The following LTBP1 variants were observed in gnomAD, a reference collection of about 807,000 sequenced individuals.
LTBP1 encodes the protein latent transforming growth factor beta binding protein 1.
Under a neutral mutation model 207.6 loss-of-function variants are expected in LTBP1, and 129 were observed. The ratio of observed to expected loss-of-function variants is 0.62; its 90% CI spans 0.54 to 0.72. The LOEUF (loss-of-function observed/expected upper bound fraction) is 0.72, where lower values mean the gene tolerates loss of function less well. LTBP1 is among the 30% of genes least tolerant of loss of function. The pLI is 0.00. For missense variants in LTBP1, 2,281 were observed against 2,217.2 expected (o/e 1.03, Z -0.58); for synonymous variants, 963 against 833.7 (o/e 1.16, Z -2.67).
At chr2:33,098,758 A>G (rs759520170) in intron 3 of LTBP1, among the ~76,000 whole-genome samples, 30 of 152,152 alleles carry the variant, frequency 2.0e-4, no homozygotes, top group Admixed American at 1.7e-3. Context: ...TTTTTACTTT[A>G]TAAAGTCAAT....
chr2:33,076,906 G>A (rs1294210143), intron 3 of LTBP1, among the ~76,000 whole-genome samples: 1 of 152,088 alleles, frequency 6.6e-6, no homozygotes, highest in African/African-American at 2.4e-5. Flanking sequence ...TGGCCAAGAG[G>A]GCATCTGTTC....
At chr2:33,294,625 C>T (rs2093839289) in intron 20 of LTBP1, among the ~76,000 whole-genome samples, 1 of 141,926 alleles carries the variant, frequency 7.0e-6, no homozygotes, top group African/African-American at 2.7e-5. Context: ...GTCGCCCAGG[C>T]TAGAGTGCAG....
chr2:33,126,781 T>C (rs1429366868), intron 4 of LTBP1, among the ~76,000 whole-genome samples: 2 of 152,160 alleles, frequency 1.3e-5, no homozygotes, highest in African/African-American at 4.8e-5. Context: ...GTTGGGGCCA[T>C]TGGATGCAGT....
intron 3 of LTBP1, among the ~76,000 whole-genome samples, chr2:33,092,483 A>G (rs748012980): frequency 6.6e-6 from 1 of 152,202 alleles, no homozygotes; most frequent in Non-Finnish European, 1.5e-5. Flanking sequence ...CTCCCATCAA[A>G]TAGGTGTTGA....
chr2:33,258,116 T>C (rs1284120160), intron 12 of LTBP1, among the ~76,000 whole-genome samples: 1 of 152,178 alleles, frequency 6.6e-6, no homozygotes, highest in African/African-American at 2.4e-5. Flanking sequence ...AAGGAAATAG[T>C]TTAAGGCTTA....
chr2:33,268,429 A>G (rs2148220092), intron 15 of LTBP1, among the ~76,000 whole-genome samples: 1 of 152,340 alleles, frequency 6.6e-6, no homozygotes, highest in African/African-American at 2.4e-5. Flanking sequence ...TAGTGATTAT[A>G]TCTTTACGAT....
chr2:33,082,432 CTTTTTTTTTTTTTTTTTTT>C (rs56058653), intron 3 of LTBP1, among the ~76,000 whole-genome samples: 4 of 29,322 alleles, frequency 1.4e-4, no homozygotes, highest in African/African-American at 4.4e-4. Flanking sequence ...GTATGACTCA[CTTTTTTTTTTTTTTTTTTT>C]TTTTTTTTTT....
intron 2 of LTBP1, among the ~76,000 whole-genome samples, chr2:32,980,062 G>C (rs1682520803): frequency 6.6e-6 from 1 of 151,876 alleles, no homozygotes; most frequent in Non-Finnish European, 1.5e-5. Flanking sequence ...CTGTGTCTTT[G>C]TAGATGAAGT....
intron 26 of LTBP1, among the ~76,000 whole-genome samples, chr2:33,354,717 CACACACACACA>C (rs2094833978): frequency 3.0e-5 from 4 of 133,220 alleles, no homozygotes; most frequent in African/African-American, 1.0e-4. Context: ...CACACACACA[CACACACACACA>C]CCATTGTATC....
chr2:33,246,760 T>C (rs2092528063), intron 10 of LTBP1, among the ~76,000 whole-genome samples: 1 of 152,328 alleles, frequency 6.6e-6, no homozygotes. Flanking sequence ...ATTCCTTGAC[T>C]GCAGCCAAAG....
At chr2:33,237,059 T>G (rs1573354708) in intron 9 of LTBP1, among the ~76,000 whole-genome samples, 1 of 152,096 alleles carries the variant, frequency 6.6e-6, no homozygotes, top group South Asian at 2.1e-4. Context: ...TTAATGGCAG[T>G]GGGGCCTAGA....
intron 13 of LTBP1, among the ~76,000 whole-genome samples, chr2:33,259,977 A>G (rs1463317523): frequency 1.3e-5 from 2 of 152,236 alleles, no homozygotes; most frequent in African/African-American, 2.4e-5. Flanking sequence ...TTAGATAATC[A>G]TGTATTCTTA....
intron 3 of LTBP1, among the ~76,000 whole-genome samples, chr2:33,035,792 C>T (rs917447734): frequency 8.6e-5 from 13 of 151,990 alleles, no homozygotes; most frequent in African/African-American, 1.7e-4. Flanking sequence ...GAAAAGAGAT[C>T]GTTCATAATG....
At chr2:33,249,283 T>C (rs1340366400) in intron 10 of LTBP1, among the ~76,000 whole-genome samples, 1 of 151,682 alleles carries the variant, frequency 6.6e-6, no homozygotes, top group Non-Finnish European at 1.5e-5. Flanking sequence ...GTGGGAGTTA[T>C]TTATATCCTG....
intron 5 of LTBP1, among the ~76,000 whole-genome samples, chr2:33,145,786 A>T (rs6730109): frequency 0.031 from 4,764 of 152,316 alleles, 85 homozygotes; most frequent in African/African-American, 0.055. Context: ...AAATAGATGA[A>T]TAAGTATTCA....
chr2:33,027,488 C>A (rs1208730050), intron 3 of LTBP1, among the ~76,000 whole-genome samples: 2 of 152,078 alleles, frequency 1.3e-5, no homozygotes, highest in African/African-American at 4.8e-5. Context: ...ACATTTTATA[C>A]CCTTTGACCA....
At chr2:33,073,308 A>G (rs948719004) in intron 3 of LTBP1, among the ~76,000 whole-genome samples, 4 of 149,284 alleles carry the variant, frequency 2.7e-5, no homozygotes, top group South Asian at 2.1e-4. Flanking sequence ...TTATTTTACC[A>G]TGTACATATC....
chr2:33,248,983 G>A (rs1353361793), intron 10 of LTBP1, among the ~76,000 whole-genome samples: 2 of 152,082 alleles, frequency 1.3e-5, no homozygotes, highest in Non-Finnish European at 2.9e-5. Context: ...AGCTTTACCT[G>A]CTTCCTAGAC....
At chr2:33,121,884 A>T (rs2081143507) in intron 4 of LTBP1, among the ~76,000 whole-genome samples, 1 of 152,090 alleles carries the variant, frequency 6.6e-6, no homozygotes, top group Non-Finnish European at 1.5e-5. Flanking sequence ...TAGGAGAGAG[A>T]AGGTGGTGGA....
Sources: gnomAD v4.1 joint callset for allele counts (sites outside exome capture counted in the v4.1 genomes callset) on GRCh38, gnomAD v4.1.1 for gene constraint, MANE v1.5 for transcripts, NCBI Gene and HGNC (gene_info 2026-07-23, HGNC 2026-07-21) for gene names.